Variants in CALCRL observed in about 807,000 individuals in gnomAD.
CALCRL encodes calcitonin gene-related peptide type 1 receptor.
Under a neutral mutation model 60.4 loss-of-function variants are expected in CALCRL, and 27 were observed. The observed-to-expected ratio is 0.45, with a 90% CI of 0.33 to 0.62. The LOEUF is 0.62. CALCRL is among the 20% of genes least tolerant of loss of function. CALCRL has a pLI of 0.03. For missense variants in CALCRL, 424 were observed against 540.7 expected (o/e 0.78, Z 2.14); for synonymous variants, 190 against 182.6 (o/e 1.04, Z -0.33).
chr2:187,393,933 C>G (rs1404204057), intron 1 of CALCRL, among the ~76,000 whole-genome samples: 2 of 152,004 alleles, frequency 1.3e-5, no homozygotes. Flanking sequence ...GATAGGCATA[C>G]AAAACTTTCC....
chr2:187,371,844 G>A (rs1040416663), intron 8 of CALCRL, among the ~76,000 whole-genome samples: 1 of 152,032 alleles, frequency 6.6e-6, no homozygotes, highest in South Asian at 2.1e-4. Context: ...AACTGGAAAT[G>A]AGATAACAGG....
At chr2:187,370,794 T>C (rs1333433280) in intron 8 of CALCRL, among the ~76,000 whole-genome samples, 1 of 152,194 alleles carries the variant, frequency 6.6e-6, no homozygotes, top group Non-Finnish European at 1.5e-5. Flanking sequence ...GCAATTATTT[T>C]ATTATATAAC....
intron 1 of CALCRL, chr2:187,428,481 C>G (rs948080059): frequency 6.6e-6 from 1 of 152,162 alleles, no homozygotes; most frequent in Non-Finnish European, 1.5e-5. Flanking sequence ...AATTGTGTCT[C>G]TCATACACAT....
In CALCRL at chr2:187,346,217, A is replaced by G. The variant is rs577853176; in HGVS notation, c.1353T>C (p.Asn451=). The part of the protein sequence containing the change: ...LNGKSIHDIE[N]VLLKPENLYN ...ATAAATTTTCTGGTTTTAAGAGAAC[A>G]TTTTCAATATCATGGATGCTTTTTC... is the stretch of plus-strand genomic sequence containing the variant. Residue 451 remains asparagine (N), a synonymous_variant, in exon 15 of 15, where the codon AAT becomes AAC. Coordinates refer to ENST00000392370, the MANE Select transcript of CALCRL (RefSeq NM_005795.6). 1 of 1,610,430 alleles carries G rather than the reference A, an allele frequency of 6.2e-7. No homozygotes were observed. The highest frequency in any genetic ancestry group is 2.2e-5 in the East Asian group (1 of 44,792).
intron 1 of CALCRL, among the ~76,000 whole-genome samples, chr2:187,404,938 G>C (rs1689052583): frequency 6.6e-6 from 1 of 151,960 alleles, no homozygotes; most frequent in Non-Finnish European, 1.5e-5. Flanking sequence ...ACAGGGCAGA[G>C]AGCACAGGTT....
intron 8 of CALCRL, among the ~76,000 whole-genome samples, chr2:187,376,227 TTTAG>T (rs1473867883): frequency 6.6e-6 from 1 of 152,150 alleles, no homozygotes; most frequent in Non-Finnish European, 1.5e-5. Flanking sequence ...TTACATTTTG[TTTAG>T]TTATATTCGT....
At chr2:187,410,347 C>A (rs1186259062) in intron 1 of CALCRL, among the ~76,000 whole-genome samples, 1 of 151,500 alleles carries the variant, frequency 6.6e-6, no homozygotes, top group Non-Finnish European at 1.5e-5. Context: ...AAATGAGGTA[C>A]AAGGCAGCAA....
intron 8 of CALCRL, among the ~76,000 whole-genome samples, chr2:187,378,033 G>A (rs910692681): frequency 6.7e-6 from 1 of 150,012 alleles, no homozygotes; most frequent in African/African-American, 2.5e-5. Context: ...GAGAAGAGGA[G>A]GAGGAGGAGG....
At chr2:187,430,160 G>A (rs539896497) in intron 1 of CALCRL, among the ~76,000 whole-genome samples, 2 of 152,294 alleles carry the variant, frequency 1.3e-5, no homozygotes, top group Admixed American at 6.5e-5. Context: ...GGAACAGTGA[G>A]TCATGTGAAA....
chr2:187,353,882 T>A (rs1686652176), intron 12 of CALCRL, among the ~76,000 whole-genome samples: 1 of 151,988 alleles, frequency 6.6e-6, no homozygotes, highest in Non-Finnish European at 1.5e-5. Context: ...TGAAAATTTT[T>A]AAATGCAAAG....
chr2:187,414,888 TTAA>T (rs751552464), intron 1 of CALCRL, among the ~76,000 whole-genome samples: 10,853 of 26,202 alleles, frequency 0.41, 597 homozygotes, highest in South Asian at 0.48. Context: ...TTTTTTTTTT[TTAA>T]AAAAAAAAAG....
intron 1 of CALCRL, among the ~76,000 whole-genome samples, chr2:187,417,282 A>G (rs969413688): frequency 1.3e-5 from 2 of 152,094 alleles, no homozygotes; most frequent in East Asian, 3.8e-4. Flanking sequence ...CAAGCAAACA[A>G]ACAAAAAACA....
intron 8 of CALCRL, among the ~76,000 whole-genome samples, chr2:187,378,623 A>G (rs919241623): frequency 6.6e-6 from 1 of 152,188 alleles, no homozygotes; most frequent in Non-Finnish European, 1.5e-5. Flanking sequence ...AAAGCTAAAC[A>G]CACAATTAAG....
chr2:187,427,145 T>C (rs372874682), intron 1 of CALCRL, among the ~76,000 whole-genome samples: 2 of 152,070 alleles, frequency 1.3e-5, no homozygotes, highest in African/African-American at 4.8e-5. Flanking sequence ...AAAAGGAAGA[T>C]TGTGAAAAGA....
chr2:187,361,997 T>G (rs1051709801), intron 9 of CALCRL, among the ~76,000 whole-genome samples: 2 of 151,936 alleles, frequency 1.3e-5, no homozygotes, highest in South Asian at 2.1e-4. Context: ...TGGAGAGAAA[T>G]CATAAATTTC....
chr2:187,431,704 G>A (rs1489007752), intron 1 of CALCRL, among the ~76,000 whole-genome samples: 4 of 151,830 alleles, frequency 2.6e-5, no homozygotes, highest in Admixed American at 1.3e-4. Context: ...GAATGGCTCT[G>A]GTCTACAGGC....
Position 187,383,257 on chromosome 2 carries a change from A to G in CALCRL, c.100T>C (p.Leu34=), listed in dbSNP as rs1429234741. The change falls in exon 5 of 15, where the codon TTG becomes CTG. Residue 34 remains leucine, a synonymous_variant. Transcript: ENST00000392370. The part of the protein sequence containing the change: ...LEESPEDSIQ[L]GVTRNKIMTA... The stretch of plus-strand genomic sequence containing the variant: ...ATGATTTTATTTCTAGTAACTCCCA[A>G]CTGAATTGAGTCCTCAGGACTCTCT... The G allele has an allele frequency of 1.2e-6, 2 of 1,612,156 alleles. No individual in the cohort carries two copies. Among genetic ancestry groups the G allele is most frequent in the South Asian group, 2.2e-5 (2 of 90,846 alleles).
In CALCRL at chr2:187,352,314, A is replaced by G; in HGVS notation, c.928T>C (p.Leu310=). 1.2e-6 allele frequency: 2 copies of G among 1,608,496 alleles called. No individual in the cohort carries two copies. Among genetic ancestry groups the G allele is most frequent in the South Asian group, 1.1e-5 (1 of 90,626 alleles). The change falls in exon 13 of 15, where the codon TTA becomes CTA. Residue 310 remains leucine, a synonymous_variant. Transcript: ENST00000392370. ...AALLVNLFFL[L]NIVRVLITKL... Reference sequence around the variant, plus strand: ...GTGATGAGAACGCGTACAATATTTAACAAGAAAAAAAGATTCACCTAAAAA... The same window carrying G: ...GTGATGAGAACGCGTACAATATTTAGCAAGAAAAAAAGATTCACCTAAAAA...
At chr2:187,394,445 T>G (rs899736654) in intron 1 of CALCRL, among the ~76,000 whole-genome samples, 3 of 152,100 alleles carry the variant, frequency 2.0e-5, no homozygotes, top group Non-Finnish European at 4.4e-5. Flanking sequence ...GTTACTAAAT[T>G]TATGGTCATT....
Sources: allele counts gnomAD v4.1 joint callset (sites outside exome capture counted in the v4.1 genomes callset), GRCh38; gene constraint gnomAD v4.1.1; transcripts MANE v1.5; gene names NCBI Gene and HGNC (gene_info 2026-07-23, HGNC 2026-07-21).